ECT2L: variants seen among roughly 807,000 people sequenced by gnomAD.
The protein encoded by ECT2L is epithelial cell transforming 2 like.
In ECT2L, 126 loss-of-function variants were observed where a neutral mutation model predicts 122.8. The ratio of observed to expected loss-of-function variants is 1.03; its 90% CI spans 0.89 to 1.19. The LOEUF is 1.19. Among genes scored for constraint, ECT2L ranks in the 50% most tolerant of loss-of-function variants. ECT2L has a pLI of 0.00. For missense variants in ECT2L, 1,012 were observed against 1,064.1 expected (o/e 0.95, Z 0.68); for synonymous variants, 385 against 381.8 (o/e 1.01, Z -0.10).
chr6:138,850,913 A>T (rs1175856808), intron 9 of ECT2L, among the ~76,000 whole-genome samples: 1 of 146,886 alleles, frequency 6.8e-6, no homozygotes, highest in Non-Finnish European at 1.5e-5. Flanking sequence ...AGGCAGGAGA[A>T]TCGCTTGAAC....
At position 138,870,257 on chromosome 6, in the gene ECT2L, T is replaced by C. The variant is rs201129008; in HGVS notation, c.1578+2051T>C. Reference sequence around the variant, plus strand: ...AAATGTGGCAAAAAGATCAAAGATGTTGAAGGAAATGTTATTCCAACAAAA... The same window carrying C: ...AAATGTGGCAAAAAGATCAAAGATGCTGAAGGAAATGTTATTCCAACAAAA... On this transcript the variant is annotated intron_variant, in intron 13 of 21. Transcript: ENST00000541398. 2.0e-5 allele frequency: 3 copies of C among 152,622 alleles called. No individual in the cohort carries two copies. In the East Asian group the frequency reaches 5.8e-4, roughly 29 times the overall value. 9.5% of individuals were successfully genotyped at this position (152,622 alleles called of 1,614,324 possible).
intron 4 of ECT2L, among the ~76,000 whole-genome samples, chr6:138,821,440 C>T (rs1275861530): frequency 6.6e-6 from 1 of 151,164 alleles, no homozygotes; most frequent in African/African-American, 2.4e-5. Flanking sequence ...CAGATGTGTC[C>T]AGAAGAAAAA....
At chr6:138,826,037 G>A (rs913804051) in intron 4 of ECT2L, among the ~76,000 whole-genome samples, 6 of 152,200 alleles carry the variant, frequency 3.9e-5, no homozygotes, top group African/African-American at 9.6e-5. Flanking sequence ...CGCCCAGTTC[G>A]CCTGTTCAGC....
chr6:138,878,355 G>A (rs990957092), intron 14 of ECT2L, among the ~76,000 whole-genome samples: 6 of 151,660 alleles, frequency 4.0e-5, no homozygotes, highest in South Asian at 2.1e-4. Flanking sequence ...ATATATTGCT[G>A]TTGTTAAAAC....
At chr6:138,811,836 G>A (rs540219802) in intron 1 of ECT2L, among the ~76,000 whole-genome samples, 4 of 152,170 alleles carry the variant, frequency 2.6e-5, no homozygotes, top group East Asian at 1.9e-4. Context: ...TTACAGGTGT[G>A]TGCCACTATG....
intron 13 of ECT2L, among the ~76,000 whole-genome samples, chr6:138,871,175 G>A (rs1179950775): frequency 6.6e-6 from 1 of 152,114 alleles, no homozygotes; most frequent in East Asian, 1.9e-4. Flanking sequence ...TTACATTGTC[G>A]TTCACATAAC....
chr6:138,852,386 G>C (rs1295226602), intron 9 of ECT2L, among the ~76,000 whole-genome samples: 3 of 151,268 alleles, frequency 2.0e-5, no homozygotes, highest in Non-Finnish European at 4.4e-5. Context: ...TAGACGTCTA[G>C]TTTCTATTTT....
At chr6:138,878,528 C>T (rs1201957479) in intron 14 of ECT2L, among the ~76,000 whole-genome samples, 1 of 152,156 alleles carries the variant, frequency 6.6e-6, no homozygotes, top group Non-Finnish European at 1.5e-5. Context: ...CTCACTGCAA[C>T]CTCTGCCTCC....
At chr6:138,798,432 T>C (rs1331495555) in intron 1 of ECT2L, among the ~76,000 whole-genome samples, 1 of 152,200 alleles carries the variant, frequency 6.6e-6, no homozygotes, top group Non-Finnish European at 1.5e-5. Flanking sequence ...TTCGGAGCTC[T>C]GTGTCAGGAA....
At position 138,900,992 on chromosome 6, in the gene ECT2L, A is replaced by C. The variant is rs1373830058; in HGVS notation, c.2459A>C (p.Asp820Ala). Residue 820 changes from aspartate to alanine, a missense_variant, in exon 21 of 22, where the codon GAT becomes GCT. Coordinates refer to ENST00000541398, the MANE Select transcript of ECT2L (RefSeq NM_001077706.3). ...IHDLSLFLFN[D>A]ALLVSSRGTS... ...GATCTCAGCCTTTTCCTCTTCAATG[A>C]TGCCCTGCTCGTTTCTAGTCGGGGC... The C allele has an allele frequency of 3.1e-6, 5 of 1,614,090 alleles. No homozygotes were observed. The highest frequency in any genetic ancestry group is 4.2e-6 in the Non-Finnish European group (5 of 1,180,046).
intron 10 of ECT2L, among the ~76,000 whole-genome samples, chr6:138,856,709 C>T (rs1416891790): frequency 6.6e-6 from 1 of 152,188 alleles, no homozygotes. Flanking sequence ...CAACTCTCTG[C>T]ACACACTATA....
chr6:138,884,257 G>A (rs758249377), intron 16 of ECT2L, among the ~76,000 whole-genome samples: 11 of 152,188 alleles, frequency 7.2e-5, no homozygotes, highest in Non-Finnish European at 1.2e-4. Flanking sequence ...TTTGATTTCT[G>A]TAAGTTAGCA....
intron 13 of ECT2L, among the ~76,000 whole-genome samples, chr6:138,870,441 G>T (rs1196458526): frequency 3.3e-5 from 5 of 151,956 alleles, no homozygotes; most frequent in Non-Finnish European, 7.4e-5. Flanking sequence ...TTTCTCCAAA[G>T]AATTTTATTT....
chr6:138,897,578 G>C (rs751150246), intron 20 of ECT2L, among the ~76,000 whole-genome samples: 2 of 152,072 alleles, frequency 1.3e-5, no homozygotes, highest in Non-Finnish European at 2.9e-5. Flanking sequence ...TAGAGTTTTT[G>C]GTGTTTGGTC....
At chr6:138,838,926 C>T (rs1183804110) in intron 5 of ECT2L, among the ~76,000 whole-genome samples, 4 of 152,196 alleles carry the variant, frequency 2.6e-5, no homozygotes, top group African/African-American at 7.2e-5. Flanking sequence ...GGATTACAGG[C>T]GCGTGCCACC....
At chr6:138,887,718 G>A (rs778069852) in intron 19 of ECT2L, among the ~76,000 whole-genome samples, 2 of 152,148 alleles carry the variant, frequency 1.3e-5, no homozygotes, top group Admixed American at 6.6e-5. Flanking sequence ...ATCCACTCAC[G>A]ATTCTCTAAT....
Position 138,888,643 on chromosome 6 carries a change from A to G in ECT2L, c.2326-300A>G, listed in dbSNP as rs181515351. Among the ~76,000 whole-genome samples the G allele has an allele frequency of 2.4e-3, 366 of 152,178 alleles. 1 individual carries two copies. Among genetic ancestry groups the G allele is most frequent in the Non-Finnish European group, 4.4e-3 (301 of 67,998 alleles). On this transcript the variant is annotated intron_variant, in intron 19 of 21. Transcript: ENST00000541398. ...TCTTTTTCTTAATAGCTACCTTCTT[A>G]TCCCCCAACCCCCAACTTTGTTTTT... is the stretch of plus-strand genomic sequence containing the variant.
intron 4 of ECT2L, among the ~76,000 whole-genome samples, chr6:138,835,581 T>C (rs924168732): frequency 6.6e-6 from 1 of 151,764 alleles, no homozygotes; most frequent in Non-Finnish European, 1.5e-5. Flanking sequence ...GTTAACAGTT[T>C]AATAGCTAAC....
chr6:138,890,128 T>C (rs1377286369), intron 20 of ECT2L, among the ~76,000 whole-genome samples: 1 of 152,250 alleles, frequency 6.6e-6, no homozygotes, highest in Admixed American at 6.5e-5. Context: ...ATGAATAAAA[T>C]AGAAATAAAA....
Sources: gnomAD v4.1 joint callset for allele counts (sites outside exome capture counted in the v4.1 genomes callset) on GRCh38, gnomAD v4.1.1 for gene constraint, MANE v1.5 for transcripts, NCBI Gene and HGNC (gene_info 2026-07-23, HGNC 2026-07-21) for gene names.